The following DEPDC1B variants were observed in gnomAD, a reference collection of about 807,000 sequenced individuals.
The protein encoded by DEPDC1B is DEP domain-containing protein 1B.
DEPDC1B carries 51 observed loss-of-function variants against 66.5 expected under a neutral mutation model. That is an observed-to-expected ratio of 0.77 (90% CI 0.61 to 0.97). The LOEUF (loss-of-function observed/expected upper bound fraction) is 0.97, where lower values mean the gene tolerates loss of function less well. Among genes scored for constraint, DEPDC1B ranks in the 50% least tolerant of loss-of-function variants. The pLI, the probability that DEPDC1B is intolerant of heterozygous loss-of-function variation, is 0.00. For synonymous variants in DEPDC1B, 226 were observed against 223.6 expected, an observed-to-expected ratio of 1.01 and a Z score of -0.10; for missense variants, 552 against 637.1, an observed-to-expected ratio of 0.87 and a Z score of 1.44.
intron 9 of DEPDC1B, 67 bp downstream of exon 9, chr5:60,603,324 A>G (rs1752239109): frequency 1.4e-6 from 2 of 1,400,004 alleles, no homozygotes; most frequent in Non-Finnish European, 1.9e-6. Context: ...ATGCCCCAAG[A>G]AGCCTAGCAA....
At position 60,665,701 on chromosome 5, in the gene DEPDC1B, C is replaced by T. The variant is rs918979281; in HGVS notation, c.315-18168G>A. On this transcript the variant is annotated intron_variant, in intron 2 of 10. Coordinates refer to ENST00000265036, the MANE Select transcript of DEPDC1B (RefSeq NM_018369.3). ...GGGTTTTCCTGTTGGAAGCGGGGAC[C>T]GAGAGACAGGACTAGCTGGATTTCC... 9.2e-5 allele frequency among the ~76,000 whole-genome samples: 14 copies of T among 152,198 alleles called. No individual in the cohort carries two copies. The East Asian group carries it at 1.9e-3, about 21-fold the overall frequency.
intron 5 of DEPDC1B, among the ~76,000 whole-genome samples, chr5:60,644,224 CTTTTGTTTGTTT>C (rs1404544388): frequency 2.0e-5 from 3 of 152,104 alleles, no homozygotes; most frequent in Admixed American, 6.5e-5. Flanking sequence ...TTATATGGTT[CTTTTGTTTGTTT>C]GTTTGTTTGT....
At chr5:60,615,224 G>A (rs566712236) in intron 7 of DEPDC1B, among the ~76,000 whole-genome samples, 128 of 152,228 alleles carry the variant, frequency 8.4e-4, no homozygotes, top group Middle Eastern at 6.8e-3. Context: ...CGTGAGCAAC[G>A]CAGAAGACGG....
chr5:60,699,452 A>AAAAAAAC (rs1554056858), intron 1 of DEPDC1B, among the ~76,000 whole-genome samples: 1 of 62,890 alleles, frequency 1.6e-5, no homozygotes, highest in Non-Finnish European at 3.6e-5. Flanking sequence ...AGAAAAAAAA[A>AAAAAAAC]AAAAAAAAAA....
intron 2 of DEPDC1B, among the ~76,000 whole-genome samples, chr5:60,648,645 A>G (rs956894795): frequency 5.9e-5 from 9 of 152,224 alleles, no homozygotes; most frequent in African/African-American, 2.2e-4. Flanking sequence ...CAAGTGGAGA[A>G]AAGTTGCATT....
chr5:60,685,362 G>T (rs889363526), intron 2 of DEPDC1B, among the ~76,000 whole-genome samples: 1 of 150,062 alleles, frequency 6.7e-6, no homozygotes, highest in African/African-American at 2.5e-5. Context: ...CAGGAAAATG[G>T]AAAGCCATAA....
In DEPDC1B at chr5:60,599,058, A is replaced by G; in HGVS notation, c.1428+17T>C. The stretch of plus-strand genomic sequence containing the variant: ...GTAGGGAGGAGAAAAAATGGCTTAT[A>G]AAGAATATCCTTTTACCTGCTTCAG... On this transcript the variant is annotated intron_variant, in intron 10 of 10. Coordinates refer to ENST00000265036, the MANE Select transcript of DEPDC1B (RefSeq NM_018369.3). 6.4e-7 allele frequency: 1 copy of G among 1,554,830 alleles called. No homozygotes were observed. Among genetic ancestry groups the G allele is most frequent in the Non-Finnish European group, 8.6e-7 (1 of 1,157,742 alleles).
chr5:60,630,479 G>A (rs1472503672), intron 7 of DEPDC1B: 3 of 152,250 alleles, frequency 2.0e-5, no homozygotes, highest in Non-Finnish European at 4.4e-5. Flanking sequence ...GGGATGCCTT[G>A]CACATCTGCA....
chr5:60,619,986 C>T (rs1752664180), intron 7 of DEPDC1B, among the ~76,000 whole-genome samples: 1 of 152,146 alleles, frequency 6.6e-6, no homozygotes, highest in South Asian at 2.1e-4. Context: ...AATAATGCCA[C>T]ATATCTACAA....
chr5:60,601,216 C>A (rs990092445), intron 9 of DEPDC1B, among the ~76,000 whole-genome samples: 2 of 152,200 alleles, frequency 1.3e-5, no homozygotes, highest in African/African-American at 4.8e-5. Flanking sequence ...GACTAATACA[C>A]TGCTATAACA....
At chr5:60,683,173 T>C (rs934510917) in intron 2 of DEPDC1B, among the ~76,000 whole-genome samples, 49 of 152,322 alleles carry the variant, frequency 3.2e-4, no homozygotes, top group African/African-American at 1.1e-3. Context: ...CTCATGCCTA[T>C]AATCCCAGCA....
chr5:60,668,257 T>TTA (rs3989098), intron 2 of DEPDC1B, among the ~76,000 whole-genome samples: 1,393 of 85,808 alleles, frequency 0.016, 372 homozygotes, highest in African/African-American at 0.086. Flanking sequence ...AAAATGGATA[T>TTA]TATATATATA....
At chr5:60,685,220 T>C (rs923653641) in intron 2 of DEPDC1B, among the ~76,000 whole-genome samples, 2 of 152,178 alleles carry the variant, frequency 1.3e-5, no homozygotes, top group Admixed American at 1.3e-4. Flanking sequence ...CGGCCGGCTG[T>C]ACACTCATTA....
At chr5:60,681,264 A>G (rs1420654026) in intron 2 of DEPDC1B, among the ~76,000 whole-genome samples, 2 of 152,008 alleles carry the variant, frequency 1.3e-5, no homozygotes, top group East Asian at 3.9e-4. Context: ...GCCCACTACC[A>G]CCACCCAAGG....
chr5:60,693,406 G>A (rs774832646), intron 1 of DEPDC1B, among the ~76,000 whole-genome samples: 20 of 152,122 alleles, frequency 1.3e-4, no homozygotes, highest in African/African-American at 2.7e-4. Context: ...GTCCAAGAAC[G>A]CTGATTTAAC....
chr5:60,663,428 A>G (rs1051876057), intron 2 of DEPDC1B, among the ~76,000 whole-genome samples: 3 of 152,220 alleles, frequency 2.0e-5, no homozygotes, highest in East Asian at 1.9e-4. Context: ...AGGATTATCA[A>G]TGAGGCCGTT....
chr5:60,613,078 A>G (rs1433891498), intron 7 of DEPDC1B, among the ~76,000 whole-genome samples: 1 of 152,178 alleles, frequency 6.6e-6, no homozygotes, highest in East Asian at 1.9e-4. Context: ...CGAGATTTCA[A>G]TTTCTCTAAA....
chr5:60,672,034 C>T (rs981195518), intron 2 of DEPDC1B, among the ~76,000 whole-genome samples: 2 of 152,196 alleles, frequency 1.3e-5, no homozygotes, highest in Non-Finnish European at 2.9e-5. Flanking sequence ...CTGCTTTCTC[C>T]CTACAACTGC....
chr5:60,665,557 T>C (rs574832217), intron 2 of DEPDC1B, among the ~76,000 whole-genome samples: 1 of 152,072 alleles, frequency 6.6e-6, no homozygotes, highest in East Asian at 1.9e-4. Flanking sequence ...CATGCTCCGA[T>C]GTTAATGATA....
Sources: allele counts gnomAD v4.1 joint callset (sites outside exome capture counted in the v4.1 genomes callset), GRCh38; gene constraint gnomAD v4.1.1; transcripts MANE v1.5; gene names NCBI Gene and HGNC (gene_info 2026-07-23, HGNC 2026-07-21).